INTS10: variants seen among roughly 807,000 people sequenced by gnomAD.
INTS10 encodes integrator complex subunit 10, also known as chromosome 8 open reading frame 35.
In INTS10, 44 loss-of-function variants were observed where a neutral mutation model predicts 94.4. The ratio of observed to expected loss-of-function variants is 0.47; its 90% CI spans 0.37 to 0.60. INTS10 has a LOEUF of 0.60. Among genes scored for constraint, INTS10 ranks in the 20% least tolerant of loss-of-function variants. The pLI is 0.00. For synonymous variants in INTS10, 341 were observed against 320.7 expected (o/e 1.06, Z -0.68); for missense variants, 797 against 868.7 (o/e 0.92, Z 1.04).
At chr8:19,837,188 TG>T in intron 13 of INTS10, 28 bp downstream of exon 13, 2 of 1,433,750 alleles carry the variant, frequency 1.4e-6, no homozygotes, top group Non-Finnish European at 2.0e-6. Flanking sequence ...ATGACTATTT[TG>T]TAAAAATAGC....
In INTS10 at chr8:19,823,333, C is replaced by T; in HGVS notation, c.556C>T (p.His186Tyr). The change falls in exon 6 of 17, where the codon CAT becomes TAT. Residue 186 changes from histidine (H) to tyrosine (Y), a missense_variant. Coordinates refer to ENST00000397977, the MANE Select transcript of INTS10 (RefSeq NM_018142.4). ...TGTCCTTCCTCTAATAATTAACAAC[C>T]ATGATGTTCGATTACCTGCCAATTT... is the stretch of plus-strand genomic sequence containing the variant. ...CDVLPLIINN[H>Y]DVRLPANLLY... 2.5e-6 allele frequency: 4 copies of T among 1,607,324 alleles called. No homozygotes were observed. Among genetic ancestry groups the T allele is most frequent in the Non-Finnish European group, 3.4e-6 (4 of 1,174,080 alleles).
intron 10 of INTS10, among the ~76,000 whole-genome samples, chr8:19,831,639 A>G (rs182407640): frequency 9.3e-4 from 142 of 152,286 alleles, no homozygotes; most frequent in African/African-American, 3.1e-3. Flanking sequence ...GCAGTGACCC[A>G]TGTTAGGGCC....
At chr8:19,850,190 T>C (rs1305166913) in intron 16 of INTS10, among the ~76,000 whole-genome samples, 2 of 151,512 alleles carry the variant, frequency 1.3e-5, no homozygotes, top group Non-Finnish European at 2.9e-5. Flanking sequence ...TTTAGCTAAC[T>C]GTCTGCAAGT....
At chr8:19,829,731 C>T (rs2067083738) in intron 9 of INTS10, among the ~76,000 whole-genome samples, 2 of 152,106 alleles carry the variant, frequency 1.3e-5, no homozygotes, top group South Asian at 2.1e-4. Flanking sequence ...TGCAGTGGTG[C>T]GGTCTCTGCT....
chr8:19,817,443 T>C lies in INTS10; in HGVS notation c.-95T>C, dbSNP rs964244328. On this transcript the variant is annotated 5_prime_UTR_variant, in exon 1 of 17. Transcript: ENST00000397977. Reference sequence around the variant, plus strand: ...ACATGCGCAGTAGCCTCCCCCGCGGTGGCGGCGGCGGCGGCGGTGGCTGCC... The same window carrying C: ...ACATGCGCAGTAGCCTCCCCCGCGGCGGCGGCGGCGGCGGCGGTGGCTGCC... 2.9e-5 allele frequency: 43 copies of C among 1,483,234 alleles called. No homozygotes were observed. The Middle Eastern group carries it at 7.1e-4, about 25-fold the overall frequency. 91.9% of individuals were successfully genotyped at this position (1,483,234 alleles called of 1,614,324 possible). A position where few individuals can be genotyped will look rare whatever the true frequency, so the allele number is the denominator to read the frequency against.
chr8:19,827,754 T>C (rs913319274), intron 9 of INTS10, among the ~76,000 whole-genome samples: 1 of 152,334 alleles, frequency 6.6e-6, no homozygotes, highest in Admixed American at 6.5e-5. Context: ...TTTCCATCCA[T>C]TTTTGTTTTC....
chr8:19,817,436 C>T lies in INTS10; in HGVS notation c.-102C>T. The T allele has an allele frequency of 7.3e-7, 1 of 1,375,536 alleles. No individual in the cohort carries two copies. The highest frequency in any genetic ancestry group is 9.9e-7 in the Non-Finnish European group (1 of 1,010,656). The allele number at this position is 1,375,536 out of a possible 1,614,324, so 85.2% of individuals were successfully genotyped here. Reference sequence around the variant, plus strand: ...CCTCCAGACATGCGCAGTAGCCTCCCCCGCGGTGGCGGCGGCGGCGGCGGT... The same window carrying T: ...CCTCCAGACATGCGCAGTAGCCTCCTCCGCGGTGGCGGCGGCGGCGGCGGT... On this transcript the variant is annotated 5_prime_UTR_variant, in exon 1 of 17. Transcript: ENST00000397977.
In INTS10 at chr8:19,843,094, T is replaced by C. The variant is rs1261315292; in HGVS notation, c.1719+167T>C. ...TACTAATTAACAAATCTATATTAAA[T>C]AATGACTGCGCTAGGCAAAGAGAAG... On this transcript the variant is annotated intron_variant, in intron 14 of 16. Transcript: ENST00000397977. This position sits in a 1 kb window ranked among gnomAD's most constrained non-coding sequence, Gnocchi z 4.7. Among the ~76,000 whole-genome samples, 1 of 152,216 alleles carries C rather than the reference T, an allele frequency of 6.6e-6. No homozygotes were observed. The highest frequency in any genetic ancestry group is 1.5e-5 in the Non-Finnish European group (1 of 68,036).
At chr8:19,841,070 C>G (rs868721208) in intron 13 of INTS10, among the ~76,000 whole-genome samples, 1 of 151,934 alleles carries the variant, frequency 6.6e-6, no homozygotes, top group Non-Finnish European at 1.5e-5. Context: ...CAGGGGTTGA[C>G]CAGTGGAACA....
At position 19,833,313 on chromosome 8, in the gene INTS10, G is replaced by A; in HGVS notation, c.1522G>A (p.Glu508Lys). 1 of 1,608,880 alleles carries A rather than the reference G, an allele frequency of 6.2e-7. No individual in the cohort carries two copies. Among genetic ancestry groups the A allele is most frequent in the Non-Finnish European group, 8.5e-7 (1 of 1,177,602 alleles). The change falls in exon 12 of 17, where the codon GAG becomes AAG. Residue 508 changes from glutamate to lysine, a missense_variant. Physicochemically the swap from Glu to Lys is moderately conservative, Grantham distance 56 (BLOSUM62 1). This residue lies in a region of INTS10 where 734 missense variants were observed against 787.8 expected (regional missense o/e 0.93). Transcript: ENST00000397977. Reference sequence around the variant, plus strand: ...GGCGACGTGCCACTTTGCGCTAGGGGAGTACAGAGTGAGTACTGCACACAT... The same window carrying A: ...GGCGACGTGCCACTTTGCGCTAGGGAAGTACAGAGTGAGTACTGCACACAT... ...QLATCHFALGEYRMTCEKVLD... is the reference protein window; with the variant it reads ...QLATCHFALGKYRMTCEKVLD...
intron 13 of INTS10, among the ~76,000 whole-genome samples, chr8:19,840,160 A>T: frequency 6.6e-6 from 1 of 151,966 alleles, no homozygotes. Flanking sequence ...TAGAAAATGA[A>T]TTTTTTAAGA....
chr8:19,824,557 T>C (rs1300164869), intron 7 of INTS10: 2 of 395,738 alleles, frequency 5.1e-6, no homozygotes, highest in East Asian at 4.3e-5. Flanking sequence ...GACGATGTTG[T>C]GTTTGAACGT....
At position 19,851,635 on chromosome 8, in the gene INTS10, A is replaced by G. The variant is rs749063075; in HGVS notation, c.1977-14A>G. 3.1e-5 allele frequency: 50 copies of G among 1,613,980 alleles called. No individual in the cohort carries two copies. In the East Asian group the frequency reaches 9.8e-4, roughly 32 times the overall value. ...ACCCCTGGTCTTTGTCTGTTTCCCTATTGCTGACCTCAGGCACCACACTGT... is the reference window on the plus strand; with the variant it reads ...ACCCCTGGTCTTTGTCTGTTTCCCTGTTGCTGACCTCAGGCACCACACTGT... On this transcript the variant is annotated splice_polypyrimidine_tract_variant and intron_variant, in intron 16 of 16. Transcript: ENST00000397977. This position sits in a 1 kb window ranked among gnomAD's most constrained non-coding sequence, Gnocchi z 5.0.
chr8:19,822,575 A>G, intron 5 of INTS10, 55 bp downstream of exon 5: 3 of 1,122,834 alleles, frequency 2.7e-6, no homozygotes, highest in Non-Finnish European at 4.0e-6. Flanking sequence ...TGCTGGGGTA[A>G]GTGTTGGTTC....
At chr8:19,822,552 T>C (rs778882520) in intron 5 of INTS10, 32 bp downstream of exon 5, 6 of 1,326,922 alleles carry the variant, frequency 4.5e-6, no homozygotes, top group South Asian at 2.4e-5. Flanking sequence ...ATTACTTCTA[T>C]GGTAAATTAA....
At chr8:19,819,033 C>T (rs2066163164) in intron 2 of INTS10, among the ~76,000 whole-genome samples, 1 of 152,166 alleles carries the variant, frequency 6.6e-6, no homozygotes, top group African/African-American at 2.4e-5. Context: ...ATTTGATACG[C>T]TATGAAATTA....
Position 19,817,637 on chromosome 8 carries a change from A to G in INTS10, c.100A>G (p.Ser34Gly). The change falls in exon 1 of 17, where the codon AGC becomes GGC. Residue 34 changes from serine to glycine, a missense_variant. Physicochemically the swap from Ser to Gly is moderately conservative, Grantham distance 56. Around this residue, in one of 3 missense-constraint regions of INTS10, gnomAD observed 734 missense variants for 787.8 expected, o/e 0.93. Transcript: ENST00000397977. ...AAKAWLITAR[S>G]LYPADFNIQY... is the part of the protein sequence containing the mutation. ...CAAGGCGTGGCTGATCACGGCCCGC[A>G]GCCTCTACCCGGCAGACTTTAACAT... The G allele has an allele frequency of 6.2e-7, 1 of 1,607,700 alleles. No homozygotes were observed. The highest frequency in any genetic ancestry group is 1.3e-5 in the African/African-American group (1 of 74,904).
In INTS10 at chr8:19,835,761, G is replaced by A. The variant is rs138470017; in HGVS notation, c.1531-1291G>A. Among the ~76,000 whole-genome samples, 4 of 152,314 alleles carry A rather than the reference G, an allele frequency of 2.6e-5. No homozygotes were observed. The East Asian group carries it at 7.7e-4, about 29-fold the overall frequency. Reference sequence around the variant, plus strand: ...CCTGTGGGCATAGGTGGGTTCTAGAGGTGCCAATATATGGATCCTGCAGCT... The same window carrying A: ...CCTGTGGGCATAGGTGGGTTCTAGAAGTGCCAATATATGGATCCTGCAGCT... On this transcript the variant is annotated intron_variant, in intron 12 of 16. Transcript: ENST00000397977.
At chr8:19,844,914 T>A (rs890358515) in intron 15 of INTS10, among the ~76,000 whole-genome samples, 3 of 152,156 alleles carry the variant, frequency 2.0e-5, no homozygotes, top group Non-Finnish European at 4.4e-5. Flanking sequence ...TGTTTTTTTT[T>A]AGAGTTGGGG....
Sources: allele counts gnomAD v4.1 joint callset (sites outside exome capture counted in the v4.1 genomes callset), GRCh38; gene constraint gnomAD v4.1.1; regional missense constraint gnomAD v4.1.1; non-coding constraint Gnocchi (gnomAD v3.1); transcripts MANE v1.5; gene names NCBI Gene and HGNC (gene_info 2026-07-23, HGNC 2026-07-21).